CCDC7: variants seen among roughly 807,000 people sequenced by gnomAD.
The protein encoded by CCDC7 is coiled-coil domain containing 7, also known as coiled-coil domain-containing protein 7.
In CCDC7, 183 loss-of-function variants were observed where a neutral mutation model predicts 196.9. The observed-to-expected ratio is 0.93, with a 90% CI of 0.82 to 1.05. The LOEUF is 1.05. Ranked by LOEUF, CCDC7 falls within the 50% of genes least tolerant of loss-of-function variation. CCDC7 has a pLI of 0.00. For missense variants in CCDC7, 1,540 were observed against 1,482.2 expected (o/e 1.04, Z -0.64); for synonymous variants, 525 against 484.6 (o/e 1.08, Z -1.10).
chr10:32,845,768 T>TACACAG lies in CCDC7; in HGVS notation c.3521-103_3521-102insGACACA. The TACACAG allele has an allele frequency of 4.0e-6, 3 of 750,068 alleles. No homozygotes were observed. In the Admixed American group the frequency reaches 7.4e-5, roughly 19 times the overall value. 46.5% of individuals were successfully genotyped at this position (750,068 alleles called of 1,614,324 possible). On this transcript the variant is annotated intron_variant, in intron 35 of 41. Transcript: ENST00000639629. Reference sequence around the variant, plus strand: ...TTCTTCATGAATACCCTTCCATAATTACACACACACACACACACACACACA... The same window carrying TACACAG: ...TTCTTCATGAATACCCTTCCATAATTACACAGACACACACACACACACACACACACA...
Position 32,567,788 on chromosome 10 carries a change from G to A in CCDC7, c.1316G>A (p.Gly439Asp), listed in dbSNP as rs983184533. ...GGTAATAGTCAAACAAAAGTTAAAG[G>A]TGAAGATTCAAAAAATATACCATTG... The change falls in exon 15 of 42, where the codon GGT (glycine) becomes GAT (aspartate). Residue 439 changes from glycine to aspartate, a missense_variant. By Grantham distance (94) the Gly-to-Asp change is moderately conservative. Coordinates refer to ENST00000639629, the Ensembl canonical transcript of CCDC7. The A allele has an allele frequency of 6.2e-6, 10 of 1,613,570 alleles. No individual in the cohort carries two copies. In the African/African-American group the frequency reaches 9.3e-5, roughly 15 times the overall value.
intron 18 of CCDC7, among the ~76,000 whole-genome samples, chr10:32,607,051 C>T (rs75495602): frequency 0.13 from 20,359 of 152,122 alleles, 1,616 homozygotes; most frequent in African/African-American, 0.22. Flanking sequence ...GGCAGATCCC[C>T]CGTGGCTTGG....
intron 28 of CCDC7, among the ~76,000 whole-genome samples, chr10:32,757,889 T>C (rs529958433): frequency 1.3e-5 from 2 of 152,176 alleles, no homozygotes; most frequent in South Asian, 2.1e-4. Context: ...AAGAATCAAA[T>C]AGGTGCAATG....
intron 18 of CCDC7, among the ~76,000 whole-genome samples, chr10:32,630,346 G>A (rs1310371874): frequency 6.7e-6 from 1 of 150,196 alleles, no homozygotes; most frequent in Non-Finnish European, 1.5e-5. Flanking sequence ...GTATATATAT[G>A]CATATATATG....
At chr10:32,713,056 AC>A (rs1238319411) in intron 25 of CCDC7, among the ~76,000 whole-genome samples, 1 of 152,188 alleles carries the variant, frequency 6.6e-6, no homozygotes, top group African/African-American at 2.4e-5. Flanking sequence ...CCCACGAAAT[AC>A]CTGGACTGCA....
chr10:32,450,628 G>C (rs1434887736), upstream of CCDC7, among the ~76,000 whole-genome samples: 1 of 151,998 alleles, frequency 6.6e-6, no homozygotes, highest in Non-Finnish European at 1.5e-5. Flanking sequence ...TGAGGGGAGA[G>C]AAAAATAGAG....
At chr10:32,470,963 T>G (rs1482143721) in intron 5 of CCDC7, 101 bp from the exon 7 acceptor site, 1 of 1,172,888 alleles carries the variant, frequency 8.5e-7, no homozygotes, top group Non-Finnish European at 1.1e-6. Flanking sequence ...AAGAAAAATA[T>G]AAAAATTACT....
chr10:32,511,262 G>GGT, intron 9 of CCDC7: 5 of 480,158 alleles, frequency 1.0e-5, no homozygotes, highest in South Asian at 7.6e-5. Flanking sequence ...TGTGGGGGGC[G>GGT]GGGGGGGCGG....
chr10:32,669,528 A>G (rs1116321), intron 21 of CCDC7, among the ~76,000 whole-genome samples: 8,086 of 152,142 alleles, frequency 0.053, 721 homozygotes, highest in African/African-American at 0.18. Flanking sequence ...TTTCTTTAAT[A>G]GAATAGTTTA....
At chr10:32,593,958 A>C (rs2060042009) in intron 18 of CCDC7, among the ~76,000 whole-genome samples, 1 of 152,056 alleles carries the variant, frequency 6.6e-6, no homozygotes, top group Non-Finnish European at 1.5e-5. Flanking sequence ...GTAGCCTTGT[A>C]GTATAGTTTG....
At chr10:32,779,027 G>A (rs772633539) in exon 29 of CCDC7, 1 of 1,550,116 alleles carries the variant, frequency 6.5e-7, no homozygotes, top group East Asian at 2.4e-5. Context: ...AAATCTTCCA[G>A]CAATGTACCC....
chr10:32,786,033 C>G (rs1346175285), intron 29 of CCDC7, among the ~76,000 whole-genome samples: 1 of 152,124 alleles, frequency 6.6e-6, no homozygotes, highest in Non-Finnish European at 1.5e-5. Context: ...TGAAGGGAGA[C>G]TCTTAGGATA....
At chr10:32,772,641 TC>T (rs780687647) in intron 28 of CCDC7, among the ~76,000 whole-genome samples, 8 of 152,184 alleles carry the variant, frequency 5.3e-5, no homozygotes, top group Non-Finnish European at 1.0e-4. Context: ...GTCTGCAGGG[TC>T]CCCTGTTAAG....
At chr10:32,551,604 G>A (rs2053488688) in intron 13 of CCDC7, among the ~76,000 whole-genome samples, 1 of 152,002 alleles carries the variant, frequency 6.6e-6, no homozygotes, top group African/African-American at 2.4e-5. Flanking sequence ...TGTCATTATT[G>A]TCATTCAGTT....
Position 32,554,323 on chromosome 10 carries a change from T to C in CCDC7, c.1134+10022T>C, listed in dbSNP as rs567393680. On this transcript the variant is annotated intron_variant, in intron 13 of 41. Transcript: ENST00000639629. ...CACCAGATTTGTGCCCTCCCCTGAG[T>C]TCTGGCCAGGAGGTTTCTTGCCCTG... Among the ~76,000 whole-genome samples, 5 of 152,284 alleles carry C rather than the reference T, an allele frequency of 3.3e-5. No individual in the cohort carries two copies. In the South Asian group the frequency reaches 1.0e-3, roughly 32 times the overall value.
intron 18 of CCDC7, among the ~76,000 whole-genome samples, chr10:32,627,790 A>G (rs889104293): frequency 5.3e-5 from 8 of 151,888 alleles, no homozygotes. Flanking sequence ...TTTGTCCTTT[A>G]GTCTGTTAAT....
At chr10:32,790,894 T>G (rs1476513351) in intron 29 of CCDC7, among the ~76,000 whole-genome samples, 2 of 152,120 alleles carry the variant, frequency 1.3e-5, no homozygotes, top group Admixed American at 6.5e-5. Context: ...GACCCCAATT[T>G]TACAGCCACT....
In CCDC7 at chr10:32,699,089, A is replaced by G. The variant is rs1439399789; in HGVS notation, c.2458+4097A>G. Among the ~76,000 whole-genome samples the G allele has an allele frequency of 2.6e-5, 4 of 152,236 alleles. No homozygotes were observed. The East Asian group carries it at 7.7e-4, about 29-fold the overall frequency. ...TTTATTTTACTTTAAGTTTTAGGGT[A>G]CATGTGTACAACGTGCAGGTTTGTT... On this transcript the variant is annotated intron_variant, in intron 24 of 41. Coordinates refer to ENST00000639629, the Ensembl canonical transcript of CCDC7.
At chr10:32,743,766 TAAG>T (rs1258019772) in intron 28 of CCDC7, among the ~76,000 whole-genome samples, 1 of 151,838 alleles carries the variant, frequency 6.6e-6, no homozygotes, top group African/African-American at 2.4e-5. Context: ...TAGACTGGAT[TAAG>T]AAAATGTGGC....
Sources: allele counts gnomAD v4.1 joint callset (sites outside exome capture counted in the v4.1 genomes callset), GRCh38; gene constraint gnomAD v4.1.1; transcripts MANE v1.5; gene names NCBI Gene and HGNC (gene_info 2026-07-23, HGNC 2026-07-21).